Variants in TBC1D10A observed in about 807,000 individuals in gnomAD.
TBC1D10A encodes EBP50-PDX interactor of 64 kDa.
A neutral mutation model predicts 52.9 loss-of-function variants in TBC1D10A; 24 were observed. The ratio of observed to expected loss-of-function variants is 0.45; its 90% confidence interval spans 0.33 to 0.64. The LOEUF (loss-of-function observed/expected upper bound fraction) is 0.64. Ranked by LOEUF, TBC1D10A falls within the 30% of genes least tolerant of loss-of-function variation. TBC1D10A has a pLI of 0.02. For missense variants in TBC1D10A, 602 were observed against 687.9 expected (o/e 0.88, Z 1.40); for synonymous variants, 278 against 282.9 (o/e 0.98, Z 0.17).
At position 30,294,848 on chromosome 22, in the gene TBC1D10A, C is replaced by T. The variant is rs1930038626; in HGVS notation, c.653G>A (p.Cys218Tyr). The T allele has an allele frequency of 3.7e-6, 6 of 1,614,170 alleles. No homozygotes were observed. The highest frequency in any genetic ancestry group is 1.1e-5 in the South Asian group (1 of 91,088). The change falls in exon 6 of 9, where the codon TGC becomes TAC. Residue 218 changes from cysteine to tyrosine, a missense_variant. By Grantham distance (194) the Cys-to-Tyr change is radical. Coordinates refer to ENST00000215790, the MANE Select transcript of TBC1D10A (RefSeq NM_031937.3). Reference protein sequence around the residue: ...MHMPAEQAFWCLVQICEKYLP... With the variant: ...MHMPAEQAFWYLVQICEKYLP... ...GTACTTCTCACAGATCTGTACCAGG[C>T]ACCAGAAGGCTTGCTGTGGGCAAGA...
chr22:30,306,227 T>C (rs2075684494), intron 1 of TBC1D10A, among the ~76,000 whole-genome samples: 1 of 152,216 alleles, frequency 6.6e-6, no homozygotes, highest in Non-Finnish European at 1.5e-5. Context: ...ATGTAGATAA[T>C]GGCTAATCCA....
chr22:30,292,528 G>A lies in TBC1D10A; in HGVS notation c.1374C>T (p.Ala458=), dbSNP rs192525341. ...GTGGGGGACATGCATCTCCTGCAGC[G>A]GCCACCACCATGGCTTGATTTGGGG... The part of the protein sequence containing the change: ...PPAPNQAMVV[A]AAGDACPPQH... Residue 458 remains alanine, a synonymous_variant, in exon 9 of 9, where the codon GCC becomes GCT. Coordinates refer to ENST00000215790, the MANE Select transcript of TBC1D10A (RefSeq NM_031937.3). 278 of 1,612,780 alleles carry A rather than the reference G, an allele frequency of 1.7e-4. No homozygotes were observed. The East Asian group carries it at 5.1e-3, about 30-fold the overall frequency.
intron 1 of TBC1D10A, among the ~76,000 whole-genome samples, chr22:30,314,061 T>C (rs1273283816): frequency 3.9e-5 from 6 of 152,212 alleles, no homozygotes; most frequent in Admixed American, 3.9e-4. Flanking sequence ...GACAAGCCCA[T>C]GAGATAAATC....
At chr22:30,323,519 G>A (rs1484234422) in intron 1 of TBC1D10A, among the ~76,000 whole-genome samples, 3 of 152,236 alleles carry the variant, frequency 2.0e-5, no homozygotes, top group Non-Finnish European at 4.4e-5. Context: ...GATGGTGAAG[G>A]CAGTGGAAAC....
chr22:30,294,203 AGG>A, intron 6 of TBC1D10A, 93 bp from the exon 7 acceptor site: 2 of 1,429,982 alleles, frequency 1.4e-6, no homozygotes, highest in Non-Finnish European at 1.9e-6. Flanking sequence ...AGCACCCAGC[AGG>A]CTCAGGCAGC....
intron 1 of TBC1D10A, among the ~76,000 whole-genome samples, chr22:30,314,647 A>G (rs1410385039): frequency 6.6e-6 from 1 of 152,068 alleles, no homozygotes; most frequent in Non-Finnish European, 1.5e-5. Flanking sequence ...CTGTCTCTAC[A>G]AAATTGTTTT....
intron 4 of TBC1D10A, among the ~76,000 whole-genome samples, chr22:30,295,515 G>A (rs1930058092): frequency 6.6e-6 from 1 of 152,172 alleles, no homozygotes; most frequent in South Asian, 2.1e-4. Flanking sequence ...AGAGGGCCAG[G>A]CTGGACAAGC....
chr22:30,292,675 G>A lies in TBC1D10A; in HGVS notation c.1227C>T (p.Ser409=). 1.9e-6 allele frequency: 3 copies of A among 1,609,168 alleles called. No homozygotes were observed. The highest frequency in any genetic ancestry group is 2.5e-6 in the Non-Finnish European group (3 of 1,177,428). The change falls in exon 9 of 9, where the codon TCC becomes TCT. Residue 409 remains serine, a synonymous_variant. Transcript: ENST00000215790. ...GGGGGGCATCTAGGGGCAGGCGGAT[G>A]GATGGTGAAGGTTGTAGGGCAGGCC... ...GPRPALQPSP[S]IRLPLDAPLP...
intron 1 of TBC1D10A, among the ~76,000 whole-genome samples, chr22:30,314,753 G>C (rs1372351496): frequency 6.6e-6 from 1 of 151,136 alleles, no homozygotes; most frequent in Non-Finnish European, 1.5e-5. Context: ...CAAGGCTGCA[G>C]TGAGCCATAA....
At chr22:30,310,677 C>T (rs534325202) in intron 1 of TBC1D10A, among the ~76,000 whole-genome samples, 1 of 152,326 alleles carries the variant, frequency 6.6e-6, no homozygotes, top group East Asian at 1.9e-4. Flanking sequence ...AAGCACTACA[C>T]AGGCACACAA....
intron 2 of TBC1D10A, among the ~76,000 whole-genome samples, chr22:30,301,768 G>C (rs1930205995): frequency 1.3e-5 from 2 of 152,244 alleles, no homozygotes; most frequent in Non-Finnish European, 2.9e-5. Context: ...CAGGCAAACA[G>C]GCTGAGGGTG....
At chr22:30,326,577 AG>A in intron 1 of TBC1D10A, 95 bp downstream of exon 1, 1 of 1,197,218 alleles carries the variant, frequency 8.4e-7, no homozygotes, top group Non-Finnish European at 1.1e-6. Flanking sequence ...CCTGCCTGGG[AG>A]GGGGACGTGT....
At chr22:30,306,950 T>G (rs1601674835) in intron 1 of TBC1D10A, among the ~76,000 whole-genome samples, 1 of 152,226 alleles carries the variant, frequency 6.6e-6, no homozygotes. Flanking sequence ...GTCAGGATCT[T>G]AGAAAACATC....
At chr22:30,315,491 G>A (rs1930517138) in intron 1 of TBC1D10A, among the ~76,000 whole-genome samples, 1 of 152,148 alleles carries the variant, frequency 6.6e-6, no homozygotes. Flanking sequence ...TTGAACTCCT[G>A]GACTGAAGTG....
chr22:30,303,436 A>C (rs1202616569), intron 2 of TBC1D10A, among the ~76,000 whole-genome samples: 1 of 152,250 alleles, frequency 6.6e-6, no homozygotes, highest in Non-Finnish European at 1.5e-5. Context: ...TCTACGATAC[A>C]GTCTACGAAG....
At chr22:30,310,465 C>T (rs5997607) in intron 1 of TBC1D10A, among the ~76,000 whole-genome samples, 229 of 152,274 alleles carry the variant, frequency 1.5e-3, no homozygotes, top group African/African-American at 5.2e-3. Context: ...CAATGGTAAA[C>T]AAATTCTAAC....
chr22:30,316,443 A>G (rs1419821647), intron 1 of TBC1D10A, among the ~76,000 whole-genome samples: 3 of 150,368 alleles, frequency 2.0e-5, no homozygotes. Context: ...AACTTCTCAA[A>G]GCACTGTTTT....
At chr22:30,308,534 T>C (rs1041753525) in intron 1 of TBC1D10A, among the ~76,000 whole-genome samples, 1 of 152,220 alleles carries the variant, frequency 6.6e-6, no homozygotes, top group Non-Finnish European at 1.5e-5. Flanking sequence ...TCCAGATTGA[T>C]TTTCTATTTT....
At chr22:30,320,661 G>C (rs980792840) in intron 1 of TBC1D10A, among the ~76,000 whole-genome samples, 15 of 152,136 alleles carry the variant, frequency 9.9e-5, no homozygotes, top group Admixed American at 8.5e-4. Context: ...CAGGGGCTGG[G>C]CCTCACTGAC....
Sources: allele counts gnomAD v4.1 joint callset (sites outside exome capture counted in the v4.1 genomes callset), GRCh38; gene constraint gnomAD v4.1.1; transcripts MANE v1.5; gene names NCBI Gene and HGNC (gene_info 2026-07-23, HGNC 2026-07-21).